The following NECTIN4 variants were observed in gnomAD, a reference collection of about 807,000 sequenced individuals.
NECTIN4 encodes nectin-4.
In NECTIN4, 19 loss-of-function variants were observed where a neutral mutation model predicts 51.7. The ratio of observed to expected loss-of-function variants is 0.37; its 90% CI spans 0.26 to 0.54. The LOEUF (loss-of-function observed/expected upper bound fraction) is 0.54. NECTIN4 is among the 20% of genes least tolerant of loss of function. The pLI, the probability that NECTIN4 is intolerant of heterozygous loss-of-function variation, is 0.86. For synonymous variants in NECTIN4, 283 were observed against 286.9 expected, an observed-to-expected ratio of 0.99 and a Z score of 0.14; for missense variants, 619 against 662.4, an observed-to-expected ratio of 0.93 and a Z score of 0.72.
intron 1 of NECTIN4, among the ~76,000 whole-genome samples, chr1:161,088,124 C>A (rs1315558148): frequency 6.6e-6 from 1 of 152,128 alleles, no homozygotes. Flanking sequence ...ATAATAAAAT[C>A]AGAGTTGGAG....
chr1:161,073,720 C>G lies in NECTIN4; in HGVS notation c.1233G>C (p.Gln411His). The G allele has an allele frequency of 6.2e-7, 1 of 1,614,012 alleles. No homozygotes were observed. Residue 411 changes from glutamine to histidine, a missense_variant and splice_region_variant, in exon 7 of 9, where the codon CAG becomes CAC. Gln to His is a conservative substitution (Grantham distance 24). Coordinates refer to ENST00000368012, the MANE Select transcript of NECTIN4 (RefSeq NM_030916.3). ...LHSHHTDPRS[Q>H]PEESVGLRAE... The stretch of plus-strand genomic sequence containing the variant: ...GCATACACCCAACCTTGGCACACAC[C>G]TGGCTCCTGGGGTCCGTGTGATGGG...
chr1:161,073,755 T>C lies in NECTIN4; in HGVS notation c.1198A>G (p.Arg400Gly). Residue 400 changes from arginine to glycine, a missense_variant, in exon 7 of 9, where the codon AGG (arginine) becomes GGG (glycine). Coordinates refer to ENST00000368012, the MANE Select transcript of NECTIN4 (RefSeq NM_030916.3). Reference sequence around the variant, plus strand: ...GGGTCCGTGTGATGGGAATGCAGCCTCCGGATGGAGTTCTCCCTGGTCAGG... The same window carrying C: ...GGGTCCGTGTGATGGGAATGCAGCCCCCGGATGGAGTTCTCCCTGGTCAGG... ...LTLTRENSIRRLHSHHTDPRS... is the reference protein window; with the variant it reads ...LTLTRENSIRGLHSHHTDPRS... The C allele has an allele frequency of 6.2e-7, 1 of 1,614,144 alleles. No homozygotes were observed. The highest frequency in any genetic ancestry group is 8.5e-7 in the Non-Finnish European group (1 of 1,180,012).
rs1571167964 is a variant in NECTIN4 at position 161,089,492 on chromosome 1, G to GAAGCC, written c.-201_-197dup. On this transcript the variant is annotated 5_prime_UTR_variant, in exon 1 of 9. Transcript: ENST00000368012. This position sits in a 1 kb window ranked among gnomAD's most constrained non-coding sequence, Gnocchi z 4.1. ...CACACCCAGCCGTAGCTACCCCCAAGAAGCCGTGATCGGGAGCTCCGAGCT... is the reference window on the plus strand; with the variant it reads ...CACACCCAGCCGTAGCTACCCCCAAGAAGCCAAGCCGTGATCGGGAGCTCCGAGCT... 1.6e-6 allele frequency: 1 copy of GAAGCC among 617,312 alleles called. No individual in the cohort carries two copies. The highest frequency in any genetic ancestry group is 2.9e-6 in the Non-Finnish European group (1 of 343,938). 38.2% of individuals were successfully genotyped at this position (617,312 alleles called of 1,614,324 possible). A position where few individuals can be genotyped will look rare whatever the true frequency, so the allele number is the denominator to read the frequency against.
chr1:161,084,913 C>G (rs1010410804), intron 1 of NECTIN4: 15 of 152,130 alleles, frequency 9.9e-5, no homozygotes, highest in African/African-American at 2.9e-4. Flanking sequence ...CCTTTGTTAA[C>G]TCCTGCCTCC....
At chr1:161,084,571 G>A (rs1435395726) in intron 1 of NECTIN4, 1 of 152,164 alleles carries the variant, frequency 6.6e-6, no homozygotes, top group African/African-American at 2.4e-5. Flanking sequence ...TGAGGTCACT[G>A]TCCCTCCAGG....
chr1:161,084,970 T>C (rs1653867141), intron 1 of NECTIN4: 1 of 147,920 alleles, frequency 6.8e-6, no homozygotes, highest in Non-Finnish European at 1.5e-5. Context: ...AGTATGTGGG[T>C]GAGTCTGGGG....
intron 2 of NECTIN4, 99 bp from the exon 3 acceptor site, chr1:161,077,842 G>GCC: frequency 1.8e-6 from 2 of 1,112,468 alleles, no homozygotes; most frequent in Non-Finnish European, 2.5e-6. Context: ...AAACTTTCAG[G>GCC]CCCCCTTTCC....
At chr1:161,082,295 T>C (rs1653715212) in intron 1 of NECTIN4, among the ~76,000 whole-genome samples, 2 of 151,854 alleles carry the variant, frequency 1.3e-5, no homozygotes, top group African/African-American at 4.8e-5. Flanking sequence ...GCCACTGACC[T>C]CCAGCTTGGG....
At chr1:161,075,873 C>T (rs111974651) in intron 4 of NECTIN4, among the ~76,000 whole-genome samples, 12,001 of 152,192 alleles carry the variant, frequency 0.079, 617 homozygotes, top group Non-Finnish European at 0.11. Flanking sequence ...GTCTAGAGAT[C>T]GAGACCAGCC....
intron 3 of NECTIN4, among the ~76,000 whole-genome samples, chr1:161,077,109 C>G (rs554642750): frequency 1.3e-5 from 2 of 152,338 alleles, no homozygotes; most frequent in East Asian, 3.9e-4. Context: ...GAATGAATAA[C>G]AGCTGGTAAG....
Position 161,074,237 on chromosome 1 carries a change from G to C in NECTIN4, c.1137C>G (p.Ala379=). The change falls in exon 6 of 9, where the codon GCC becomes GCG. Residue 379 remains alanine (A), a synonymous_variant. Transcript: ENST00000368012. ...VLMSRYHRRK[A]QQMTQKYEEE... ...CTCACTATTTCTGGGTCATCTGCTG[G>C]GCCTTGCGCCGATGGTATCGGGACA... 1.2e-6 allele frequency: 2 copies of C among 1,613,894 alleles called. No homozygotes were observed. The highest frequency in any genetic ancestry group is 2.2e-5 in the South Asian group (2 of 91,068).
At chr1:161,086,038 C>T (rs993787432) in intron 1 of NECTIN4, among the ~76,000 whole-genome samples, 1 of 152,128 alleles carries the variant, frequency 6.6e-6, no homozygotes, top group Non-Finnish European at 1.5e-5. Context: ...TCTCTACTCC[C>T]TTCCCTTCTG....
At chr1:161,086,358 T>A (rs1201690547) in intron 1 of NECTIN4, among the ~76,000 whole-genome samples, 2 of 151,928 alleles carry the variant, frequency 1.3e-5, no homozygotes, top group African/African-American at 4.8e-5. Context: ...TCTCACCACC[T>A]CCCTTGCTGG....
intron 6 of NECTIN4, 89 bp downstream of exon 6, chr1:161,074,128 C>T: frequency 2.0e-6 from 3 of 1,535,874 alleles, no homozygotes; most frequent in Non-Finnish European, 2.7e-6. Context: ...TTTCAGCCTA[C>T]CCAGTCTCCT....
At chr1:161,076,605 G>A in intron 3 of NECTIN4, 130 bp from the exon 4 acceptor site, 1 of 1,307,768 alleles carries the variant, frequency 7.6e-7, no homozygotes, top group Non-Finnish European at 1.1e-6. Flanking sequence ...CTACTCATCT[G>A]CTGCCAAACC....
In NECTIN4 at chr1:161,089,428, T is replaced by C; in HGVS notation, c.-132A>G. The C allele has an allele frequency of 1.3e-6, 1 of 796,580 alleles. No individual in the cohort carries two copies. Among genetic ancestry groups the C allele is most frequent in the Non-Finnish European group, 2.1e-6 (1 of 472,770 alleles). 49.3% of individuals were successfully genotyped at this position (796,580 alleles called of 1,614,324 possible). On this transcript the variant is annotated 5_prime_UTR_variant, in exon 1 of 9. Coordinates refer to ENST00000368012, the MANE Select transcript of NECTIN4 (RefSeq NM_030916.3). The surrounding 1 kb of genome is among the most constrained non-coding windows in gnomAD (Gnocchi z 4.1). ...AGTTCTTGCCTCTCGCACTTGGGTC[T>C]CCACTAGGGGACCCAGCCCCAGCCC...
chr1:161,087,773 T>C (rs1446777119), intron 1 of NECTIN4, among the ~76,000 whole-genome samples: 2 of 151,858 alleles, frequency 1.3e-5, no homozygotes, highest in East Asian at 1.9e-4. Context: ...TTTGTGTGTG[T>C]GCGTGTGTGT....
intron 2 of NECTIN4, 56 bp from the exon 3 acceptor site, chr1:161,077,799 C>T (rs980657103): frequency 2.8e-5 from 42 of 1,507,070 alleles, no homozygotes; most frequent in Non-Finnish European, 8.1e-6. Flanking sequence ...TCAGGAGGCC[C>T]CCACTCATCG....
Position 161,074,278 on chromosome 1 carries a change from C to G in NECTIN4, c.1096G>C (p.Val366Leu). The G allele has an allele frequency of 6.2e-7, 1 of 1,614,140 alleles. No homozygotes were observed. The highest frequency in any genetic ancestry group is 8.5e-7 in the Non-Finnish European group (1 of 1,180,008). Residue 366 changes from valine to leucine, a missense_variant, in exon 6 of 9, where the codon GTG becomes CTG. Val to Leu is a conservative substitution (Grantham distance 32). Around this residue, in one of 3 missense-constraint regions of NECTIN4, gnomAD observed 364 missense variants for 415.7 expected, o/e 0.88. Coordinates refer to ENST00000368012, the MANE Select transcript of NECTIN4 (RefSeq NM_030916.3). Reference protein sequence around the residue: ...IAALLFCLLVVVVVLMSRYHR... With the variant: ...IAALLFCLLVLVVVLMSRYHR... ...TATCGGGACATGAGCACCACCACCA[C>G]CACCAGAAGGCAGAACAAGAGTGCG...
Sources: allele counts gnomAD v4.1 joint callset (sites outside exome capture counted in the v4.1 genomes callset), GRCh38; gene constraint gnomAD v4.1.1; regional missense constraint gnomAD v4.1.1; non-coding constraint Gnocchi (gnomAD v3.1); transcripts MANE v1.5; gene names NCBI Gene and HGNC (gene_info 2026-07-23, HGNC 2026-07-21).